The following SORCS1 variants were observed in gnomAD, a reference collection of about 807,000 sequenced individuals.
The protein encoded by SORCS1 is sortilin related VPS10 domain containing receptor 1.
In SORCS1, 60 loss-of-function variants were observed where a neutral mutation model predicts 146.1. The ratio of observed to expected loss-of-function variants is 0.41; its 90% CI spans 0.33 to 0.51. The LOEUF (loss-of-function observed/expected upper bound fraction) is 0.51, where lower values mean the gene tolerates loss of function less well. Among genes scored for constraint, SORCS1 ranks in the 20% least tolerant of loss-of-function variants. The pLI is 0.21. For missense variants in SORCS1, 1,352 were observed against 1,487.6 expected (o/e 0.91, Z 1.50); for synonymous variants, 637 against 584.0 (o/e 1.09, Z -1.31).
At position 106,732,560 on chromosome 10, in the gene SORCS1, T is replaced by G. The variant is rs116994070; in HGVS notation, c.960-2446A>C. On this transcript the variant is annotated intron_variant, in intron 5 of 25. Coordinates refer to ENST00000263054, the MANE Select transcript of SORCS1 (RefSeq NM_052918.5). Reference sequence around the variant, plus strand: ...TTCAACTGTCCACCTTGCCTTAAGTTTCATCCTTGAAATGACTACCACCAC... The same window carrying G: ...TTCAACTGTCCACCTTGCCTTAAGTGTCATCCTTGAAATGACTACCACCAC... Among the ~76,000 whole-genome samples, 23 of 152,276 alleles carry G rather than the reference T, an allele frequency of 1.5e-4. No homozygotes were observed. In the East Asian group the frequency reaches 4.4e-3, roughly 29 times the overall value.
intron 4 of SORCS1, among the ~76,000 whole-genome samples, chr10:106,764,412 A>G (rs1859385582): frequency 6.6e-6 from 1 of 152,242 alleles, no homozygotes; most frequent in African/African-American, 2.4e-5. Context: ...TTACCCAATG[A>G]CTGTCTCAGC....
chr10:107,061,442 T>C (rs758494885), intron 1 of SORCS1, among the ~76,000 whole-genome samples: 49 of 152,156 alleles, frequency 3.2e-4, no homozygotes, highest in Admixed American at 7.2e-4. Context: ...AAAGAGATAA[T>C]AAAGATGCCA....
chr10:106,759,874 T>C (rs1276972039), intron 5 of SORCS1, among the ~76,000 whole-genome samples: 2 of 151,934 alleles, frequency 1.3e-5, no homozygotes, highest in East Asian at 1.9e-4. Flanking sequence ...CAAAATGATA[T>C]GTAGTTAACT....
chr10:106,992,381 A>G (rs550579008), intron 1 of SORCS1, among the ~76,000 whole-genome samples: 1 of 152,338 alleles, frequency 6.6e-6, no homozygotes, highest in South Asian at 2.1e-4. Flanking sequence ...AGAGTAAAAA[A>G]ATACCATACA....
intron 1 of SORCS1, among the ~76,000 whole-genome samples, chr10:107,141,146 C>T (rs1470131904): frequency 6.6e-6 from 1 of 152,052 alleles, no homozygotes; most frequent in Admixed American, 6.6e-5. Flanking sequence ...ACTCAGTTAC[C>T]AAAATCAGAC....
chr10:107,138,288 C>T (rs1590219056), intron 1 of SORCS1, among the ~76,000 whole-genome samples: 1 of 152,262 alleles, frequency 6.6e-6, no homozygotes, highest in East Asian at 1.9e-4. Flanking sequence ...TTTACTGGCT[C>T]CCCACCTGTA....
intron 22 of SORCS1, 149 bp from the exon 23 acceptor site, chr10:106,607,446 T>C (rs1360569496): frequency 3.7e-6 from 4 of 1,081,160 alleles, no homozygotes; most frequent in Non-Finnish European, 5.2e-6. Context: ...AGGGAGTATG[T>C]GAGAGACAGC....
chr10:106,707,025 T>G (rs538088268), intron 7 of SORCS1, among the ~76,000 whole-genome samples: 37 of 152,138 alleles, frequency 2.4e-4, no homozygotes, highest in Admixed American at 7.8e-4. Flanking sequence ...ACCCAAACAG[T>G]GGCAGAGCTG....
intron 3 of SORCS1, among the ~76,000 whole-genome samples, chr10:106,790,507 G>T (rs1289310933): frequency 6.6e-6 from 1 of 152,218 alleles, no homozygotes; most frequent in Non-Finnish European, 1.5e-5. Context: ...CAAAGTGAAA[G>T]AGGGGTCCAA....
chr10:106,767,450 A>G (rs1447944795), intron 4 of SORCS1, among the ~76,000 whole-genome samples: 3 of 152,064 alleles, frequency 2.0e-5, no homozygotes, highest in African/African-American at 7.2e-5. Context: ...TAGGAAAATG[A>G]TAAGATAAAA....
chr10:106,649,406 C>T (rs1849695204), intron 18 of SORCS1, among the ~76,000 whole-genome samples: 1 of 152,142 alleles, frequency 6.6e-6, no homozygotes, highest in African/African-American at 2.4e-5. Context: ...CATCACACGC[C>T]TGTTAGGGGG....
intron 16 of SORCS1, among the ~76,000 whole-genome samples, chr10:106,670,397 CAA>C (rs1479182461): frequency 6.6e-6 from 1 of 152,162 alleles, no homozygotes; most frequent in East Asian, 1.9e-4. Context: ...CCTGGTAAAG[CAA>C]AAAGTCTCCT....
intron 2 of SORCS1, among the ~76,000 whole-genome samples, chr10:106,929,773 G>A (rs1953295441): frequency 6.7e-6 from 1 of 150,278 alleles, no homozygotes; most frequent in African/African-American, 2.4e-5. Context: ...ATGTGCACGT[G>A]CACACACACA....
At chr10:106,780,730 T>C (rs1219197821) in intron 3 of SORCS1, among the ~76,000 whole-genome samples, 1 of 152,176 alleles carries the variant, frequency 6.6e-6, no homozygotes, top group East Asian at 1.9e-4. Flanking sequence ...AATTATTCCC[T>C]GTTCAGTTCC....
chr10:106,607,108 A>T, intron 23 of SORCS1, 58 bp downstream of exon 23: 2 of 1,588,554 alleles, frequency 1.3e-6, no homozygotes, highest in Non-Finnish European at 1.7e-6. Context: ...AGGCTTAGAA[A>T]GTTGAAGACT....
chr10:106,833,408 TAG>T (rs1229911489), intron 2 of SORCS1, among the ~76,000 whole-genome samples: 1 of 152,176 alleles, frequency 6.6e-6, no homozygotes, highest in Admixed American at 6.5e-5. Context: ...TGGAATTAGA[TAG>T]AGTGTTGACA....
chr10:106,753,132 A>G (rs906170479), intron 5 of SORCS1, among the ~76,000 whole-genome samples: 2 of 150,574 alleles, frequency 1.3e-5, no homozygotes, highest in Non-Finnish European at 3.0e-5. Flanking sequence ...GGTCATTTTT[A>G]TCTAATAGAG....
At chr10:106,840,056 C>T (rs911257694) in intron 2 of SORCS1, among the ~76,000 whole-genome samples, 2 of 152,162 alleles carry the variant, frequency 1.3e-5, no homozygotes, top group African/African-American at 4.8e-5. Context: ...CCTGCTAACA[C>T]AACATCTATT....
chr10:106,712,405 G>A (rs1352726826), intron 6 of SORCS1, among the ~76,000 whole-genome samples: 1 of 152,114 alleles, frequency 6.6e-6, no homozygotes, highest in African/African-American at 2.4e-5. Context: ...CTGATGGTTG[G>A]TTTCCTGAGA....
Sources: allele counts gnomAD v4.1 joint callset (sites outside exome capture counted in the v4.1 genomes callset), GRCh38; gene constraint gnomAD v4.1.1; transcripts MANE v1.5; gene names NCBI Gene and HGNC (gene_info 2026-07-23, HGNC 2026-07-21).